AMBRA1: variants seen among roughly 807,000 people sequenced by gnomAD.
The protein encoded by AMBRA1 is activating molecule in BECN1-regulated autophagy protein 1.
A neutral mutation model predicts 125.4 loss-of-function variants in AMBRA1; 47 were observed. The ratio of observed to expected loss-of-function variants is 0.37; its 90% CI spans 0.30 to 0.48. The LOEUF is 0.48. AMBRA1 is among the 20% of genes least tolerant of loss of function. The pLI is 0.99. For missense variants in AMBRA1, 1,331 were observed against 1,693.4 expected (o/e 0.79, Z 3.76); for synonymous variants, 626 against 655.5 (o/e 0.95, Z 0.69).
chr11:46,542,527 T>G lies in AMBRA1; in HGVS notation c.1490A>C (p.His497Pro). ...SSQNNSGSIR[H>P]ELQCDLRRFF... ...GCGTCTCAGGTCACACTGAAGCTCA[T>G]GGCGAATGCTGCCCGAGTTGTTTTG... Residue 497 changes from histidine to proline, a missense_variant, in exon 7 of 18, where the codon CAT (histidine) becomes CCT (proline). This residue lies in a region of AMBRA1 where 689 missense variants were observed against 776.5 expected (regional missense o/e 0.89). Transcript: ENST00000683756. This position sits in a 1 kb window ranked among gnomAD's most constrained non-coding sequence, Gnocchi z 5.9. 2 of 1,613,330 alleles carry G rather than the reference T, an allele frequency of 1.2e-6. No individual in the cohort carries two copies. The highest frequency in any genetic ancestry group is 1.7e-6 in the Non-Finnish European group (2 of 1,180,042).
At chr11:46,500,306 T>C (rs1162438553) in intron 9 of AMBRA1, among the ~76,000 whole-genome samples, 2 of 152,032 alleles carry the variant, frequency 1.3e-5, no homozygotes, top group Non-Finnish European at 2.9e-5. Flanking sequence ...ACAAGAAAAG[T>C]AAGATGGCTG....
chr11:46,499,708 G>A (rs1466023925), intron 9 of AMBRA1, among the ~76,000 whole-genome samples: 3 of 151,970 alleles, frequency 2.0e-5, no homozygotes, highest in Admixed American at 1.3e-4. Flanking sequence ...CCAGGCTGGA[G>A]TGTAGTGGTG....
intron 11 of AMBRA1, among the ~76,000 whole-genome samples, chr11:46,481,154 C>T (rs1010058248): frequency 6.6e-6 from 1 of 152,180 alleles, no homozygotes; most frequent in African/African-American, 2.4e-5. Flanking sequence ...CGTCCCCAGA[C>T]TGATAAGAGC....
intron 11 of AMBRA1, among the ~76,000 whole-genome samples, chr11:46,444,549 G>A (rs1948183581): frequency 6.6e-6 from 1 of 152,126 alleles, no homozygotes; most frequent in African/African-American, 2.4e-5. Flanking sequence ...ATTCTTGTAT[G>A]CTAGCTAACC....
intron 12 of AMBRA1, among the ~76,000 whole-genome samples, chr11:46,442,487 C>T (rs1327271510): frequency 6.6e-6 from 1 of 151,980 alleles, no homozygotes; most frequent in Non-Finnish European, 1.5e-5. Flanking sequence ...GTCAGGCCAC[C>T]TTGTCAGTGT....
chr11:46,409,146 C>T (rs1184428806), intron 16 of AMBRA1, among the ~76,000 whole-genome samples: 1 of 152,254 alleles, frequency 6.6e-6, no homozygotes, highest in South Asian at 2.1e-4. Context: ...TAAGATTCCA[C>T]TTTGAATTCT....
At chr11:46,505,181 C>T (rs892921192) in intron 9 of AMBRA1, among the ~76,000 whole-genome samples, 3 of 152,178 alleles carry the variant, frequency 2.0e-5, no homozygotes, top group African/African-American at 7.2e-5. Flanking sequence ...AAATATAAAT[C>T]GTGACTGCAC....
At chr11:46,467,652 G>A (rs752487598) in intron 11 of AMBRA1, among the ~76,000 whole-genome samples, 6 of 151,062 alleles carry the variant, frequency 4.0e-5, no homozygotes, top group Admixed American at 6.6e-5. Flanking sequence ...GGGTTCAAGC[G>A]ATTCTCCTGC....
chr11:46,456,199 G>T (rs1242231615), intron 11 of AMBRA1, among the ~76,000 whole-genome samples: 1 of 151,972 alleles, frequency 6.6e-6, no homozygotes. Flanking sequence ...TCCAAAAAAC[G>T]TAGTGTTAAG....
chr11:46,571,185 C>T (rs2135274972), intron 1 of AMBRA1, among the ~76,000 whole-genome samples: 1 of 152,260 alleles, frequency 6.6e-6, no homozygotes, highest in Middle Eastern at 3.4e-3. Context: ...CAAAAGGTCC[C>T]CAGTGTTCTT....
chr11:46,515,472 C>G (rs201880316), intron 7 of AMBRA1, among the ~76,000 whole-genome samples: 1 of 144,592 alleles, frequency 6.9e-6, no homozygotes, highest in Non-Finnish European at 1.5e-5. Context: ...GACTGCATCT[C>G]AAAACAAACA....
intron 14 of AMBRA1, 65 bp downstream of exon 14, chr11:46,433,409 C>A: frequency 6.4e-7 from 1 of 1,563,592 alleles, no homozygotes. Flanking sequence ...CACCACTGTC[C>A]CCTCATTACC....
chr11:46,478,648 CTTTTTT>C lies in AMBRA1; in HGVS notation c.2521+14954_2521+14959del, dbSNP rs11449187. Among the ~76,000 whole-genome samples, 239 of 82,162 alleles carry C rather than the reference CTTTTTT, an allele frequency of 2.9e-3. 1 individual carries two copies. The highest frequency in any genetic ancestry group is 0.01 in the African/African-American group (211 of 20,142). The allele number at this position is 82,162 out of a possible 152,430, so 53.9% of individuals were successfully genotyped here. A position where few individuals can be genotyped will look rare whatever the true frequency, so the allele number is the denominator to read the frequency against. On this transcript the variant is annotated intron_variant, in intron 11 of 17. Coordinates refer to ENST00000683756, the MANE Select transcript of AMBRA1 (RefSeq NM_001387011.1). ...TATTTCTTGTTTTTTTCTTTTTTCT[CTTTTTT>C]TTTTTTTTTTTTTTTTGGAGATGGA...
chr11:46,523,620 A>G (rs946184831), intron 7 of AMBRA1, among the ~76,000 whole-genome samples: 6 of 152,268 alleles, frequency 3.9e-5, no homozygotes, highest in Non-Finnish European at 8.8e-5. Context: ...ACTAATGGCT[A>G]TAATCTCAGA....
chr11:46,492,086 G>A (rs562518841), intron 11 of AMBRA1, among the ~76,000 whole-genome samples: 5 of 152,286 alleles, frequency 3.3e-5, no homozygotes, highest in African/African-American at 4.8e-5. Flanking sequence ...ACGTGCCTTC[G>A]GTTAAGCCAC....
chr11:46,545,175 T>C (rs1042268013), intron 5 of AMBRA1, among the ~76,000 whole-genome samples: 1 of 21,934 alleles, frequency 4.6e-5, no homozygotes, highest in African/African-American at 2.0e-4. Flanking sequence ...GGGGGGGGGG[T>C]GGTGGTGGGC....
At chr11:46,517,470 G>GTTTTTTTT (rs768814141) in intron 7 of AMBRA1, among the ~76,000 whole-genome samples, 2 of 96,182 alleles carry the variant, frequency 2.1e-5, no homozygotes, top group African/African-American at 4.6e-5. Flanking sequence ...TATTAATAAG[G>GTTTTTTTT]TTTTTTTTTT....
chr11:46,494,281 C>T (rs1950559433), intron 9 of AMBRA1, 77 bp from the exon 10 acceptor site: 1 of 1,276,946 alleles, frequency 7.8e-7, no homozygotes, highest in Admixed American at 2.0e-5. Context: ...GGAAACATCC[C>T]CAAAATGACA....
At chr11:46,463,561 G>C (rs1232482530) in intron 11 of AMBRA1, among the ~76,000 whole-genome samples, 1 of 152,142 alleles carries the variant, frequency 6.6e-6, no homozygotes, top group Non-Finnish European at 1.5e-5. Flanking sequence ...CTTAACTAAA[G>C]AGTACCTTGC....
Sources: gnomAD v4.1 joint callset for allele counts (sites outside exome capture counted in the v4.1 genomes callset) on GRCh38, gnomAD v4.1.1 for gene constraint, gnomAD v4.1.1 regional missense constraint, Gnocchi (gnomAD v3.1) non-coding constraint, MANE v1.5 for transcripts, NCBI Gene and HGNC (gene_info 2026-07-23, HGNC 2026-07-21) for gene names.